CSMD1: variants seen among roughly 807,000 people sequenced by gnomAD.
CSMD1 encodes CUB and Sushi multiple domains 1, also known as CUB and sushi domain-containing protein 1.
CSMD1 carries 213 observed loss-of-function variants against 417.5 expected under a neutral mutation model. The observed-to-expected ratio is 0.51, with a 90% CI of 0.46 to 0.57. The LOEUF (loss-of-function observed/expected upper bound fraction) is 0.57, where lower values mean the gene tolerates loss of function less well. Among genes scored for constraint, CSMD1 ranks in the 20% least tolerant of loss-of-function variants. The pLI is 0.00. For synonymous variants in CSMD1, 2,862 were observed against 1,736.8 expected, an observed-to-expected ratio of 1.65 and a Z score of -16.11; for missense variants, 6,923 against 4,529.7, an observed-to-expected ratio of 1.53 and a Z score of -15.17.
At chr8:3,825,545 G>C (rs973835177) in intron 5 of CSMD1, among the ~76,000 whole-genome samples, 1 of 151,474 alleles carries the variant, frequency 6.6e-6, no homozygotes, top group East Asian at 2.0e-4. Flanking sequence ...GGCAGGTTCA[G>C]GGGTGTGGGG....
At chr8:4,213,508 T>C (rs1365582005) in intron 3 of CSMD1, among the ~76,000 whole-genome samples, 4 of 152,212 alleles carry the variant, frequency 2.6e-5, no homozygotes, top group Non-Finnish European at 4.4e-5. Context: ...AAATAAAATT[T>C]GGTGGTGCGT....
chr8:4,002,014 T>C (rs186050028), intron 4 of CSMD1, among the ~76,000 whole-genome samples: 3 of 152,302 alleles, frequency 2.0e-5, no homozygotes, highest in Admixed American at 6.5e-5. Flanking sequence ...ATATGCAAGA[T>C]ATATTAGAAT....
At chr8:3,483,840 A>C (rs567610568) in intron 11 of CSMD1, among the ~76,000 whole-genome samples, 1 of 152,324 alleles carries the variant, frequency 6.6e-6, no homozygotes, top group Admixed American at 6.5e-5. Flanking sequence ...TCAACTTTTA[A>C]AAAAATCAAT....
Position 3,408,110 on chromosome 8 carries a change from A to T in CSMD1, c.1860T>A (p.Ser620Arg), listed in dbSNP as rs1812463781. 3.1e-6 allele frequency: 5 copies of T among 1,613,770 alleles called. No individual in the cohort carries two copies. Among genetic ancestry groups the T allele is most frequent in the Non-Finnish European group, 4.2e-6 (5 of 1,179,858 alleles). The change falls in exon 14 of 70, where the codon AGT (serine) becomes AGA (arginine). Residue 620 changes from serine to arginine, a missense_variant. Ser to Arg is a moderately radical substitution (Grantham distance 110, BLOSUM62 -1). Transcript: ENST00000635120. Reference sequence around the variant, plus strand: ...AATCATTAAAGATTAGGTGAATTCGACTTCCTGGCTCCGAGATAATCAACC... The same window carrying T: ...AATCATTAAAGATTAGGTGAATTCGTCTTCCTGGCTCCGAGATAATCAACC... ...CVWLIISEPG[S>R]RIHLIFNDFD...
intron 37 of CSMD1, among the ~76,000 whole-genome samples, chr8:3,168,054 GA>G (rs34284607): frequency 0.33 from 42,892 of 128,526 alleles, 7,006 homozygotes; most frequent in East Asian, 0.74. Flanking sequence ...ATCACAATTA[GA>G]AAAAAAAAAA....
rs759961478 is a variant in CSMD1 at position 3,187,895 on chromosome 8, G to C, written c.5594C>G (p.Thr1865Ser). 1.6e-5 allele frequency: 25 copies of C among 1,612,902 alleles called. No individual in the cohort carries two copies. Among genetic ancestry groups the C allele is most frequent in the Non-Finnish European group, 2.1e-5 (25 of 1,179,508 alleles). Residue 1865 changes from threonine (T) to serine (S), a missense_variant, in exon 36 of 70, where the codon ACC becomes AGC. Physicochemically the swap from Thr to Ser is moderately conservative, Grantham distance 58 (BLOSUM62 1). Coordinates refer to ENST00000635120, the MANE Select transcript of CSMD1 (RefSeq NM_033225.6). ...TGAGAAGCTTCCCAGTCTGGGTGCG[G>C]TCACATCCCCACCATCGTGGATCTC... ...SLEIHDGGDV[T>S]APRLGSFSGT...
chr8:3,882,865 C>G (rs1418729803), intron 5 of CSMD1, among the ~76,000 whole-genome samples: 1 of 152,124 alleles, frequency 6.6e-6, no homozygotes, highest in African/African-American at 2.4e-5. Context: ...AATGGCTACC[C>G]CTGAGTTGGG....
chr8:4,528,540 C>T (rs972974414), intron 2 of CSMD1, among the ~76,000 whole-genome samples: 10 of 152,130 alleles, frequency 6.6e-5, no homozygotes, highest in Admixed American at 2.0e-4. Flanking sequence ...TGTGTACTTA[C>T]ATTTGCTAAA....
intron 5 of CSMD1, among the ~76,000 whole-genome samples, chr8:3,922,096 T>TCA (rs1335893527): frequency 6.6e-6 from 1 of 152,036 alleles, no homozygotes; most frequent in African/African-American, 2.4e-5. Flanking sequence ...TATATAGTTT[T>TCA]CATGAATTGA....
intron 18 of CSMD1, among the ~76,000 whole-genome samples, chr8:3,382,896 G>C (rs1337916640): frequency 6.6e-6 from 1 of 151,914 alleles, no homozygotes. Context: ...AGTTTTCCAA[G>C]ATTTAAAAAC....
chr8:3,819,689 T>G (rs912583800), intron 5 of CSMD1, among the ~76,000 whole-genome samples: 1 of 152,094 alleles, frequency 6.6e-6, no homozygotes, highest in Non-Finnish European at 1.5e-5. Context: ...GGGTCTTAGG[T>G]GATCCTCCAA....
At chr8:3,945,191 A>C (rs982568447) in intron 5 of CSMD1, among the ~76,000 whole-genome samples, 12 of 151,868 alleles carry the variant, frequency 7.9e-5, no homozygotes, top group Admixed American at 3.9e-4. Flanking sequence ...AAAAAAAAAA[A>C]AAAAAACAGA....
In CSMD1 at chr8:4,290,756, G is replaced by A. The variant is rs187512050; in HGVS notation, c.415+129197C>T. 1.1e-4 allele frequency among the ~76,000 whole-genome samples: 17 copies of A among 152,150 alleles called. No homozygotes were observed. In the East Asian group the frequency reaches 3.1e-3, roughly 28 times the overall value. On this transcript the variant is annotated intron_variant, in intron 3 of 69. Coordinates refer to ENST00000635120, the MANE Select transcript of CSMD1 (RefSeq NM_033225.6). ...ATCTCCCTATCTGTAGTTTCATTTAGGATTTCTATTCTGTAAGTCTGATTT... is the reference window on the plus strand; with the variant it reads ...ATCTCCCTATCTGTAGTTTCATTTAAGATTTCTATTCTGTAAGTCTGATTT...
intron 50 of CSMD1, among the ~76,000 whole-genome samples, chr8:3,036,382 G>C (rs1377524277): frequency 6.6e-6 from 1 of 152,040 alleles, no homozygotes; most frequent in Non-Finnish European, 1.5e-5. Context: ...GTTTTGTTTT[G>C]CTTTGTTTTG....
At chr8:4,452,318 GT>G (rs1799194067) in intron 2 of CSMD1, among the ~76,000 whole-genome samples, 1 of 152,190 alleles carries the variant, frequency 6.6e-6, no homozygotes, top group Admixed American at 6.5e-5. Context: ...TATTTCTACA[GT>G]TTTTGAAAGC....
chr8:3,852,365 C>A (rs1352489980), intron 5 of CSMD1, among the ~76,000 whole-genome samples: 1 of 152,098 alleles, frequency 6.6e-6, no homozygotes, highest in Non-Finnish European at 1.5e-5. Context: ...ATAAGGGACA[C>A]CCTCTCTACT....
chr8:3,288,418 C>T (rs979650544), intron 25 of CSMD1, among the ~76,000 whole-genome samples: 1 of 147,112 alleles, frequency 6.8e-6, no homozygotes, highest in African/African-American at 2.7e-5. Flanking sequence ...GGCTGTGAAT[C>T]CATCTGGTCC....
chr8:4,730,612 G>A lies in CSMD1; in HGVS notation c.86-93054C>T, dbSNP rs568664205. Among the ~76,000 whole-genome samples, 4 of 152,096 alleles carry A rather than the reference G, an allele frequency of 2.6e-5. No homozygotes were observed. In the South Asian group the frequency reaches 6.2e-4, roughly 24 times the overall value. On this transcript the variant is annotated intron_variant, in intron 1 of 69. Transcript: ENST00000635120. ...AAAAATTAGCCGGGCGTGGTGGCGG[G>A]CGCCTGTAGTCCCAGCTACTCGGGA...
intron 56 of CSMD1, 92 bp from the exon 57 acceptor site, chr8:2,973,391 A>G: frequency 7.6e-7 from 1 of 1,322,922 alleles, no homozygotes; most frequent in Admixed American, 2.1e-5. Flanking sequence ...AAAGTTGTTG[A>G]AATTTGTGTT....
Sources: gnomAD v4.1 joint callset for allele counts (sites outside exome capture counted in the v4.1 genomes callset) on GRCh38, gnomAD v4.1.1 for gene constraint, MANE v1.5 for transcripts, NCBI Gene and HGNC (gene_info 2026-07-23, HGNC 2026-07-21) for gene names.